KLHDC10: variants seen among roughly 807,000 people sequenced by gnomAD.
KLHDC10 encodes the protein kelch domain containing 10.
In KLHDC10, 24 loss-of-function variants were observed where a neutral mutation model predicts 56.1. That is an observed-to-expected ratio of 0.43 (90% confidence interval 0.31 to 0.60). KLHDC10 has a LOEUF of 0.60. Among genes scored for constraint, KLHDC10 ranks in the 20% least tolerant of loss-of-function variants. The pLI is 0.11. For missense variants in KLHDC10, 349 were observed against 567.0 expected (o/e 0.62, Z 3.91); for synonymous variants, 188 against 207.1 (o/e 0.91, Z 0.79).
At chr7:130,079,725 GCCTTCCTT>G (rs748916579) in intron 1 of KLHDC10, among the ~76,000 whole-genome samples, 5 of 115,590 alleles carry the variant, frequency 4.3e-5, no homozygotes, top group Admixed American at 7.9e-5. Context: ...CTGCCTTCCT[GCCTTCCTT>G]CCTTCCTTCC....
At position 130,129,479 on chromosome 7, in the gene KLHDC10, G is replaced by C; in HGVS notation, c.1022G>C (p.Gly341Ala). The C allele has an allele frequency of 6.2e-7, 1 of 1,614,148 alleles. No homozygotes were observed. Among genetic ancestry groups the C allele is most frequent in the South Asian group, 1.1e-5 (1 of 91,076 alleles). Reference protein sequence around the residue: ...CGGYNGEVILGDIWKLNLQTF... With the variant: ...CGGYNGEVILADIWKLNLQTF... The stretch of plus-strand genomic sequence containing the variant: ...GGCTATAATGGAGAGGTGATCCTGG[G>C]AGATATCTGGAAGTTGAATCTGCAG... Residue 341 changes from glycine (G) to alanine (A), a missense_variant, in exon 9 of 10, where the codon GGA becomes GCA. Transcript: ENST00000335420.
intron 8 of KLHDC10, among the ~76,000 whole-genome samples, chr7:130,128,919 T>TATACACAC (rs1292651924): frequency 1.7e-5 from 2 of 115,702 alleles, no homozygotes; most frequent in Admixed American, 8.3e-5. Context: ...TATATATATA[T>TATACACAC]ACATACTAGC....
intron 2 of KLHDC10, 21 bp downstream of exon 2, chr7:130,097,028 G>C (rs995530951): frequency 6.5e-7 from 1 of 1,547,788 alleles, no homozygotes. Context: ...ATTAGCAAGA[G>C]ATCTGTGCTT....
At chr7:130,113,366 CT>C (rs1365866297) in intron 2 of KLHDC10, among the ~76,000 whole-genome samples, 1 of 149,750 alleles carries the variant, frequency 6.7e-6, no homozygotes, top group Non-Finnish European at 1.5e-5. Flanking sequence ...GAGTTTTGCT[CT>C]TGTCACCCAG....
chr7:130,135,112 A>C lies in KLHDC10; in HGVS notation c.*4366A>C, dbSNP rs1796455613. On this transcript the variant is annotated 3_prime_UTR_variant, in exon 10 of 10. Coordinates refer to ENST00000335420, the MANE Select transcript of KLHDC10 (RefSeq NM_014997.4). ...ATTTGAAAAAAAAAAAAAAAAAAAAACAACTTTTTATAAGTTTTTTAAGGG... is the reference window on the plus strand; with the variant it reads ...ATTTGAAAAAAAAAAAAAAAAAAAACCAACTTTTTATAAGTTTTTTAAGGG... The C allele has an allele frequency of 7.9e-6, 1 of 126,182 alleles. No individual in the cohort carries two copies. Among genetic ancestry groups the C allele is most frequent in the Non-Finnish European group, 1.7e-5 (1 of 57,650 alleles). 7.8% of individuals were successfully genotyped at this position (126,182 alleles called of 1,614,324 possible). A position where few individuals can be genotyped will look rare whatever the true frequency, so the allele number is the denominator to read the frequency against.
rs1053844458 is a variant in KLHDC10 at position 130,133,457 on chromosome 7, A to G, written c.*2711A>G. On this transcript the variant is annotated 3_prime_UTR_variant, in exon 10 of 10. Coordinates refer to ENST00000335420, the MANE Select transcript of KLHDC10 (RefSeq NM_014997.4). ...TAAAGCAGGTAGACTACTTTTTTGC[A>G]TCTTGGGGAAGTGAGCTCATTACTT... The G allele has an allele frequency of 6.6e-6, 1 of 152,144 alleles. No individual in the cohort carries two copies. Among genetic ancestry groups the G allele is most frequent in the Admixed American group, 6.6e-5 (1 of 15,258 alleles). 9.4% of individuals were successfully genotyped at this position (152,144 alleles called of 1,614,324 possible). A position where few individuals can be genotyped will look rare whatever the true frequency, so the allele number is the denominator to read the frequency against.
chr7:130,096,842 T>C, intron 1 of KLHDC10, 79 bp from the exon 2 acceptor site: 4 of 982,020 alleles, frequency 4.1e-6, no homozygotes, highest in Non-Finnish European at 6.2e-6. Context: ...TGTTTTTCTG[T>C]CTTTATAACT....
intron 1 of KLHDC10, among the ~76,000 whole-genome samples, chr7:130,074,429 T>C (rs1336042615): frequency 6.6e-6 from 1 of 152,158 alleles, no homozygotes; most frequent in Non-Finnish European, 1.5e-5. Context: ...ACTCTTGAGA[T>C]GTATGTGCGT....
intron 1 of KLHDC10, among the ~76,000 whole-genome samples, chr7:130,085,807 C>G (rs1158889259): frequency 6.9e-6 from 1 of 144,776 alleles, no homozygotes; most frequent in Non-Finnish European, 1.5e-5. Context: ...GCACTCCAGC[C>G]TGGGTGACAG....
At chr7:130,127,605 G>A (rs964870329) in intron 8 of KLHDC10, among the ~76,000 whole-genome samples, 154 bp downstream of exon 8, 26 of 152,164 alleles carry the variant, frequency 1.7e-4, no homozygotes, top group Admixed American at 1.3e-3. Flanking sequence ...TTATGCCTCT[G>A]TCAGCTGTTT....
intron 1 of KLHDC10, among the ~76,000 whole-genome samples, chr7:130,079,873 C>G (rs1209715409): frequency 1.5e-5 from 2 of 133,898 alleles, no homozygotes; most frequent in African/African-American, 6.5e-5. Context: ...TCCCTTTCTT[C>G]CTCCCTCCCT....
intron 8 of KLHDC10, 67 bp from the exon 9 acceptor site, chr7:130,129,370 C>G (rs997248847): frequency 1.3e-6 from 2 of 1,588,512 alleles, no homozygotes; most frequent in African/African-American, 1.4e-5. Flanking sequence ...GTGTGACCTA[C>G]TCTAAAACAC....
At chr7:130,091,598 T>A (rs1476652584) in intron 1 of KLHDC10, among the ~76,000 whole-genome samples, 4 of 152,222 alleles carry the variant, frequency 2.6e-5, no homozygotes, top group African/African-American at 9.6e-5. Context: ...ATTAGTCATT[T>A]TCTATATCCT....
At position 130,130,135 on chromosome 7, in the gene KLHDC10, A is replaced by G. The variant is rs574257678; in HGVS notation, c.1120-402A>G. On this transcript the variant is annotated intron_variant, in intron 9 of 9. Coordinates refer to ENST00000335420, the MANE Select transcript of KLHDC10 (RefSeq NM_014997.4). The surrounding 1 kb of genome is among the most constrained non-coding windows in gnomAD (Gnocchi z 4.2). ...ATTGAGACCATCCTGGCTAACACGG[A>G]TGAAACCCCATCTCTACTAAAAATA... 1.3e-4 allele frequency among the ~76,000 whole-genome samples: 20 copies of G among 148,936 alleles called. No individual in the cohort carries two copies. In the South Asian group the frequency reaches 3.5e-3, roughly 26 times the overall value.
intron 1 of KLHDC10, among the ~76,000 whole-genome samples, chr7:130,094,204 G>A (rs1338300535): frequency 6.6e-6 from 1 of 152,166 alleles, no homozygotes; most frequent in African/African-American, 2.4e-5. Flanking sequence ...GGGATTACAG[G>A]TGTGAGCCAC....
chr7:130,082,507 A>G (rs1177902804), intron 1 of KLHDC10, among the ~76,000 whole-genome samples: 2 of 152,098 alleles, frequency 1.3e-5, no homozygotes, highest in South Asian at 2.1e-4. Context: ...AAACTGTTCT[A>G]TATTTAAATG....
intron 1 of KLHDC10, among the ~76,000 whole-genome samples, chr7:130,094,627 A>G (rs1795824455): frequency 6.6e-6 from 1 of 152,150 alleles, no homozygotes; most frequent in Non-Finnish European, 1.5e-5. Flanking sequence ...CTTTACTAAA[A>G]TGGTATCATA....
intron 4 of KLHDC10, 125 bp from the exon 5 acceptor site, chr7:130,121,929 T>G: frequency 1.3e-6 from 1 of 768,982 alleles, no homozygotes; most frequent in Admixed American, 3.2e-5. Flanking sequence ...TTTAAGAGTC[T>G]GATACATTAA....
rs1412981928 is a variant in KLHDC10, at chr7:130,120,758, A to G, written c.485A>G (p.His162Arg). 2 of 1,613,952 alleles carry G rather than the reference A, an allele frequency of 1.2e-6. No individual in the cohort carries two copies. Among genetic ancestry groups the G allele is most frequent in the East Asian group, 2.2e-5 (1 of 44,886 alleles). Residue 162 changes from histidine (H) to arginine (R), a missense_variant, in exon 4 of 10, where the codon CAT becomes CGT. This residue lies in a region of KLHDC10 where 245 missense variants were observed against 470.1 expected (regional missense o/e 0.52). Coordinates refer to ENST00000335420, the MANE Select transcript of KLHDC10 (RefSeq NM_014997.4). The surrounding 1 kb of genome is among the most constrained non-coding windows in gnomAD (Gnocchi z 5.1). ...GCTTCTCCTTCCTCAGTTGTGCTGC[A>G]TGGAAACAACCTGTTAGTATTTGGA... ...RELASMSLVL[H>R]GNNLLVFGGT...
Sources: allele counts gnomAD v4.1 joint callset (sites outside exome capture counted in the v4.1 genomes callset), GRCh38; gene constraint gnomAD v4.1.1; regional missense constraint gnomAD v4.1.1; non-coding constraint Gnocchi (gnomAD v3.1); transcripts MANE v1.5; gene names NCBI Gene and HGNC (gene_info 2026-07-23, HGNC 2026-07-21).